Variants in TECTA observed in about 807,000 individuals in gnomAD.
TECTA encodes alpha-tectorin.
TECTA carries 128 observed loss-of-function variants against 216.8 expected under a neutral mutation model. The ratio of observed to expected loss-of-function variants is 0.59; its 90% confidence interval spans 0.51 to 0.68. The LOEUF is 0.68. Ranked by LOEUF, TECTA falls within the 30% of genes least tolerant of loss-of-function variation. The pLI, the probability that TECTA is intolerant of heterozygous loss-of-function variation, is 0.00. For synonymous variants in TECTA, 1,089 were observed against 1,117.1 expected (o/e 0.97, Z 0.50); for missense variants, 2,551 against 2,786.2 (o/e 0.92, Z 1.90).
chr11:121,165,181 A>G, intron 16 of TECTA, 92 bp from the exon 17 acceptor site: 1 of 1,227,812 alleles, frequency 8.1e-7, no homozygotes. Context: ...TTCCAATGTG[A>G]TTAAAGTGGC....
intron 4 of TECTA, among the ~76,000 whole-genome samples, 196 bp from the exon 5 acceptor site, chr11:121,112,876 C>T (rs1946454935): frequency 6.6e-6 from 1 of 152,244 alleles, no homozygotes; most frequent in Non-Finnish European, 1.5e-5. Flanking sequence ...CTTTTAGAAG[C>T]ACAGTCCCAC....
intron 10 of TECTA, among the ~76,000 whole-genome samples, 173 bp from the exon 11 acceptor site, chr11:121,137,246 ACG>A (rs978727114): frequency 6.6e-5 from 10 of 152,008 alleles, no homozygotes; most frequent in African/African-American, 1.4e-4. Flanking sequence ...ACTCGCACAC[ACG>A]CACGTGCACA....
chr11:121,176,253 T>C (rs1947165590), intron 20 of TECTA, among the ~76,000 whole-genome samples: 1 of 151,414 alleles, frequency 6.6e-6, no homozygotes, highest in South Asian at 2.1e-4. Context: ...GTTATTTTGC[T>C]CGTTAGTTGA....
intron 20 of TECTA, among the ~76,000 whole-genome samples, chr11:121,176,510 T>TTGGCCCCC: frequency 9.1e-6 from 1 of 109,892 alleles, no homozygotes; most frequent in East Asian, 2.2e-4. Context: ...ATGTCAAATA[T>TTGGCCCCC]CTTCTGGCTT....
chr11:121,112,381 C>T (rs1053403186), intron 4 of TECTA, among the ~76,000 whole-genome samples: 2 of 152,194 alleles, frequency 1.3e-5, no homozygotes, highest in African/African-American at 4.8e-5. Context: ...CCCGCAGTCC[C>T]TAGTTTTCTT....
In TECTA at chr11:121,158,221, C is replaced by A; in HGVS notation, c.4686C>A (p.Val1562=). Residue 1562 remains valine (V), a synonymous_variant, in exon 14 of 24, where the codon GTC becomes GTA. Transcript: ENST00000392793. ...TTCTCATCAACGACCGGAACACGGT[C>A]AAGGTAACCAGCCTGGCGGCCATTC... ...EQILINDRNT[V]KVNGTQVNVP... is the part of the protein sequence containing the mutation. 6.2e-7 allele frequency: 1 copy of A among 1,612,032 alleles called. No homozygotes were observed. Among genetic ancestry groups the A allele is most frequent in the South Asian group, 1.1e-5 (1 of 91,016 alleles).
At chr11:121,121,479 T>C (rs594711) in intron 7 of TECTA, among the ~76,000 whole-genome samples, 128,284 of 152,222 alleles carry the variant, frequency 0.84, 54,604 homozygotes, top group African/African-American at 0.95. Flanking sequence ...AGGAATTACA[T>C]TTGGGGACAA....
At position 121,160,333 on chromosome 11, in the gene TECTA, A is replaced by G. The variant is rs1565533708; in HGVS notation, c.4888A>G (p.Thr1630Ala). 6.2e-7 allele frequency: 1 copy of G among 1,614,192 alleles called. No homozygotes were observed. Among genetic ancestry groups the G allele is most frequent in the Non-Finnish European group, 8.5e-7 (1 of 1,180,044 alleles). Reference protein sequence around the residue: ...GLCGNFNGDLTDDYVTLRGKP... With the variant: ...GLCGNFNGDLADDYVTLRGKP... The stretch of plus-strand genomic sequence containing the variant: ...CTGTGGCAACTTCAACGGGGACCTA[A>G]CAGATGATTATGTGACCTTGCGAGG... The change falls in exon 15 of 24, where the codon ACA becomes GCA. Residue 1630 changes from threonine (T) to alanine (A), a missense_variant. Around this residue, in one of 3 missense-constraint regions of TECTA, gnomAD observed 2,375 missense variants for 2,563.9 expected, o/e 0.93. Coordinates refer to ENST00000392793, the MANE Select transcript of TECTA (RefSeq NM_005422.4).
chr11:121,128,331 C>T lies in TECTA; in HGVS notation c.2354C>T (p.Ala785Val), dbSNP rs751552017. Residue 785 changes from alanine (A) to valine (V), a missense_variant, in exon 9 of 24, where the codon GCT becomes GTT. Ala to Val is a moderately conservative substitution (Grantham distance 64, BLOSUM62 0). This residue lies in a region of TECTA where 2,375 missense variants were observed against 2,563.9 expected (regional missense o/e 0.93). Coordinates refer to ENST00000392793, the MANE Select transcript of TECTA (RefSeq NM_005422.4). ...GAGGTCAAGATAGGAGGCATCGGGG[C>T]TTCGGAAGTCAAGGTAAGGCTCCTT... ...DQEVKIGGIG[A>V]SEVKLNGQEV... The T allele has an allele frequency of 6.3e-7, 1 of 1,599,584 alleles. No individual in the cohort carries two copies. The highest frequency in any genetic ancestry group is 1.3e-5 in the African/African-American group (1 of 75,036).
At chr11:121,173,421 T>A in intron 20 of TECTA, among the ~76,000 whole-genome samples, 1 of 141,974 alleles carries the variant, frequency 7.0e-6, no homozygotes, top group Non-Finnish European at 1.5e-5. Flanking sequence ...TAGCCAGTTT[T>A]CCCAGCACCA....
rs926009171 is a variant in TECTA, at chr11:121,113,246, G to C, written c.624+37G>C. 1.9e-6 allele frequency: 3 copies of C among 1,613,266 alleles called. No individual in the cohort carries two copies. Among genetic ancestry groups the C allele is most frequent in the African/African-American group, 1.3e-5 (1 of 74,996 alleles). ...TCCACTTCATCCCCCGCGTGTTTCC[G>C]TCGCTGCACTCTCTGCTTCTGTGGC... On this transcript the variant is annotated intron_variant, in intron 5 of 23. Transcript: ENST00000392793. The surrounding 1 kb of genome is among the most constrained non-coding windows in gnomAD (Gnocchi z 4.2).
At position 121,105,984 on chromosome 11, in the gene TECTA, A is replaced by G. The variant is rs1355301179; in HGVS notation, c.198+20A>G. 1.2e-6 allele frequency: 2 copies of G among 1,614,078 alleles called. No homozygotes were observed. The highest frequency in any genetic ancestry group is 3.3e-5 in the Admixed American group (2 of 59,996). ...GTCTATGTAAGTGGAGAAGCAGCCC[A>G]TCTGTTGTTCTCTGGCCCTCCCTTT... On this transcript the variant is annotated intron_variant, in intron 3 of 23. Transcript: ENST00000392793. The surrounding 1 kb of genome is among the most constrained non-coding windows in gnomAD (Gnocchi z 5.3).
At chr11:121,171,204 T>C (rs1490730044) in intron 20 of TECTA, among the ~76,000 whole-genome samples, 1 of 152,206 alleles carries the variant, frequency 6.6e-6, no homozygotes. Context: ...CCAATGTATG[T>C]TCTTGACATC....
chr11:121,129,517 A>C, intron 9 of TECTA, 121 bp from the exon 10 acceptor site: 2 of 998,704 alleles, frequency 2.0e-6, no homozygotes, highest in South Asian at 2.6e-5. Context: ...GGGTTCCATC[A>C]GCTTCTTGAC....
At chr11:121,177,039 C>T (rs569703157) in intron 20 of TECTA, among the ~76,000 whole-genome samples, 20 of 152,344 alleles carry the variant, frequency 1.3e-4, no homozygotes, top group African/African-American at 4.8e-4. Flanking sequence ...CTCCTTTACA[C>T]ACTTCTCTGT....
chr11:121,110,901 C>A (rs765281795), intron 4 of TECTA, among the ~76,000 whole-genome samples: 19 of 152,246 alleles, frequency 1.2e-4, no homozygotes, highest in Non-Finnish European at 1.8e-4. Flanking sequence ...GCTTTGAGCT[C>A]CTTGGAGTAA....
intron 20 of TECTA, among the ~76,000 whole-genome samples, chr11:121,176,785 C>T (rs1254024440): frequency 1.3e-5 from 2 of 151,946 alleles, no homozygotes; most frequent in African/African-American, 2.4e-5. Flanking sequence ...AACTTGGTTC[C>T]ATTCTCCCCA....
At chr11:121,163,590 A>AATAC (rs1947022418) in intron 16 of TECTA, among the ~76,000 whole-genome samples, 5 of 152,220 alleles carry the variant, frequency 3.3e-5, no homozygotes, top group African/African-American at 1.2e-4. Flanking sequence ...CCTAAAACTT[A>AATAC]AAGTATAATA....
intron 6 of TECTA, among the ~76,000 whole-genome samples, chr11:121,115,950 C>T (rs181233638): frequency 5.9e-5 from 9 of 152,292 alleles, no homozygotes; most frequent in South Asian, 4.1e-4. Flanking sequence ...AGCCACTGCA[C>T]CTGGGCTCAA....
Sources: gnomAD v4.1 joint callset for allele counts (sites outside exome capture counted in the v4.1 genomes callset) on GRCh38, gnomAD v4.1.1 for gene constraint, gnomAD v4.1.1 regional missense constraint, Gnocchi (gnomAD v3.1) non-coding constraint, MANE v1.5 for transcripts, NCBI Gene and HGNC (gene_info 2026-07-23, HGNC 2026-07-21) for gene names.